The following SBNO1 variants were observed in gnomAD, a reference collection of about 807,000 sequenced individuals.
The protein encoded by SBNO1 is strawberry notch homolog 1.
Under a neutral mutation model 173.6 loss-of-function variants are expected in SBNO1, and 23 were observed. The ratio of observed to expected loss-of-function variants is 0.13; its 90% CI spans 0.10 to 0.19. The LOEUF is 0.19. Among genes scored for constraint, SBNO1 ranks in the 10% least tolerant of loss-of-function variants. The pLI, the probability that SBNO1 is intolerant of heterozygous loss-of-function variation, is 1.00. For missense variants in SBNO1, 1,238 were observed against 1,671.2 expected (o/e 0.74, Z 4.52); for synonymous variants, 632 against 571.5 (o/e 1.11, Z -1.51).
rs1333200508 is a variant in SBNO1 at position 123,323,671 on chromosome 12, A to G, written c.2125+9T>C. 6 of 1,583,712 alleles carry G rather than the reference A, an allele frequency of 3.8e-6. No individual in the cohort carries two copies. The highest frequency in any genetic ancestry group is 5.1e-6 in the Non-Finnish European group (6 of 1,168,988). On this transcript the variant is annotated intron_variant, in intron 16 of 31. Transcript: ENST00000602398. The stretch of plus-strand genomic sequence containing the variant: ...ACCTGGCCTATTTTTTCTTTTTTAA[A>G]GTGCTCACCTTTCCGCTTCTTTATT...
At chr12:123,343,423 ATGCAACACCT>A (rs1872769644) in intron 4 of SBNO1, among the ~76,000 whole-genome samples, 1 of 152,088 alleles carries the variant, frequency 6.6e-6, no homozygotes, top group African/African-American at 2.4e-5. Flanking sequence ...GAAGTAGAAC[ATGCAACACCT>A]TGCTTTCTGC....
chr12:123,317,334 G>A lies in SBNO1; in HGVS notation c.2822C>T (p.Ala941Val), dbSNP rs765901084. Residue 941 changes from alanine to valine, a missense_variant, in exon 21 of 32, where the codon GCT becomes GTT. Around this residue, in one of 14 missense-constraint regions of SBNO1, gnomAD observed 39 missense variants for 129.7 expected, o/e 0.30. Coordinates refer to ENST00000602398, the MANE Select transcript of SBNO1 (RefSeq NM_001167856.3). ...TTGTAATGAAATACCCGAGCTGGCA[G>A]CTTCTGAGATGATAGCAATATTCTG... is the stretch of plus-strand genomic sequence containing the variant. Reference protein sequence around the residue: ...GDKNIAIISEAASSGISLQAD... With the variant: ...GDKNIAIISEVASSGISLQAD... The A allele has an allele frequency of 6.2e-7, 1 of 1,613,924 alleles. No homozygotes were observed. Among genetic ancestry groups the A allele is most frequent in the Non-Finnish European group, 8.5e-7 (1 of 1,179,936 alleles).
Position 123,315,640 on chromosome 12 carries a change from G to T in SBNO1, c.2956C>A (p.Gln986Lys). Residue 986 changes from glutamine to lysine, a missense_variant, in exon 22 of 32, where the codon CAA (glutamine) becomes AAA (lysine). By Grantham distance (53) the Gln-to-Lys change is moderately conservative. This residue lies in a region of SBNO1 where 39 missense variants were observed against 129.7 expected (regional missense o/e 0.30). Transcript: ENST00000602398. The stretch of plus-strand genomic sequence containing the variant: ...AAGACATACTCAGGAGCAGTAACTT[G>T]GTTTGATCTATGAGTACGTCCTGCA... Reference protein sequence around the residue: ...QQFGRTHRSNQVTAPEYVFLI... With the variant: ...QQFGRTHRSNKVTAPEYVFLI... 1 of 1,612,886 alleles carries T rather than the reference G, an allele frequency of 6.2e-7. No homozygotes were observed. The highest frequency in any genetic ancestry group is 1.1e-5 in the South Asian group (1 of 91,028).
intron 29 of SBNO1, among the ~76,000 whole-genome samples, chr12:123,303,832 TA>T (rs1007505872): frequency 3.8e-4 from 56 of 147,380 alleles, no homozygotes; most frequent in Non-Finnish European, 5.5e-4. Context: ...AGACCTCATT[TA>T]AAAAAAAAGA....
chr12:123,363,670 T>C (rs1166506685), intron 1 of SBNO1, among the ~76,000 whole-genome samples: 1 of 152,114 alleles, frequency 6.6e-6, no homozygotes, highest in Non-Finnish European at 1.5e-5. Flanking sequence ...CGTTGCTTTA[T>C]TTGTCTCTCA....
chr12:123,342,525 C>T (rs1166196612), intron 4 of SBNO1, among the ~76,000 whole-genome samples: 1 of 152,170 alleles, frequency 6.6e-6, no homozygotes, highest in Admixed American at 6.5e-5. Context: ...TCTGGTGGTA[C>T]TTACTAATTT....
At chr12:123,353,962 C>T (rs1874156661) in intron 1 of SBNO1, among the ~76,000 whole-genome samples, 1 of 152,154 alleles carries the variant, frequency 6.6e-6, no homozygotes, top group Non-Finnish European at 1.5e-5. Context: ...AGTCCATGAG[C>T]TATACACCAA....
chr12:123,360,593 G>C (rs549342047), intron 1 of SBNO1, among the ~76,000 whole-genome samples: 2 of 151,810 alleles, frequency 1.3e-5, no homozygotes, highest in South Asian at 2.1e-4. Flanking sequence ...TATAGGTGCG[G>C]ATCACCACGC....
chr12:123,362,300 G>A (rs574815272), intron 1 of SBNO1, among the ~76,000 whole-genome samples: 1 of 151,824 alleles, frequency 6.6e-6, no homozygotes, highest in East Asian at 1.9e-4. Flanking sequence ...GCCGGGCGTG[G>A]CAGCGGGCAC....
chr12:123,289,508 A>C lies in SBNO1; in HGVS notation c.*6400T>G. ...AGAGCTGACATCCACCTTTGTTTCA[A>C]GTTGTCTTTGGATCCCATCAGATGT... is the stretch of plus-strand genomic sequence containing the variant. On this transcript the variant is annotated 3_prime_UTR_variant, in exon 32 of 32. Coordinates refer to ENST00000602398, the MANE Select transcript of SBNO1 (RefSeq NM_001167856.3). The C allele has an allele frequency of 6.6e-6, 1 of 152,236 alleles. No individual in the cohort carries two copies. Among genetic ancestry groups the C allele is most frequent in the East Asian group, 1.9e-4 (1 of 5,204 alleles). The allele number at this position is 152,236 out of a possible 1,614,324, so 9.4% of individuals were successfully genotyped here.
At chr12:123,347,931 T>C (rs1316147575) in intron 3 of SBNO1, 98 bp downstream of exon 3, 10 of 626,456 alleles carry the variant, frequency 1.6e-5, no homozygotes, top group Non-Finnish European at 2.5e-5. Context: ...CCTCTCAAAG[T>C]GCTGAGACTA....
In SBNO1 at chr12:123,291,500, G is replaced by A. The variant is rs1210041116; in HGVS notation, c.*4408C>T. ...AAACGAGCATCAGCAGTCATACAAT[G>A]ACAGTATCAGAAATGGCACTCAAGT... On this transcript the variant is annotated 3_prime_UTR_variant, in exon 32 of 32. Coordinates refer to ENST00000602398, the MANE Select transcript of SBNO1 (RefSeq NM_001167856.3). 5 of 152,096 alleles carry A rather than the reference G, an allele frequency of 3.3e-5. No homozygotes were observed. Among genetic ancestry groups the A allele is most frequent in the Non-Finnish European group, 7.3e-5 (5 of 68,030 alleles). 9.4% of individuals were successfully genotyped at this position (152,096 alleles called of 1,614,324 possible).
chr12:123,304,803 A>G, intron 28 of SBNO1, 84 bp from the exon 29 acceptor site: 1 of 958,282 alleles, frequency 1.0e-6, no homozygotes, highest in South Asian at 1.5e-5. Context: ...CAGCAAACAT[A>G]ATCATTTGAG....
intron 7 of SBNO1, among the ~76,000 whole-genome samples, chr12:123,333,568 C>T (rs1871487248): frequency 6.6e-6 from 1 of 151,892 alleles, no homozygotes; most frequent in Non-Finnish European, 1.5e-5. Context: ...AAGATCACAG[C>T]TTATTGCAGC....
intron 17 of SBNO1, 77 bp from the exon 18 acceptor site, chr12:123,320,943 A>G (rs971768528): frequency 8.1e-7 from 1 of 1,229,372 alleles, no homozygotes; most frequent in South Asian, 1.6e-5. Context: ...CAACCTTTGA[A>G]ATTTTATTTT....
At chr12:123,326,421 G>C in intron 13 of SBNO1, 87 bp from the exon 14 acceptor site, 2 of 739,136 alleles carry the variant, frequency 2.7e-6, no homozygotes, top group East Asian at 5.7e-5. Flanking sequence ...AATGTTAAGT[G>C]CAAGACCATT....
intron 4 of SBNO1, among the ~76,000 whole-genome samples, chr12:123,343,409 A>AT (rs1416352188): frequency 1.3e-5 from 2 of 152,160 alleles, no homozygotes; most frequent in Non-Finnish European, 2.9e-5. Flanking sequence ...AACCACACAG[A>AT]TAAGAAGTAG....
At chr12:123,359,187 C>T (rs1874828636) in intron 1 of SBNO1, among the ~76,000 whole-genome samples, 1 of 151,764 alleles carries the variant, frequency 6.6e-6, no homozygotes, top group Admixed American at 6.6e-5. Flanking sequence ...CCCGCCTCAG[C>T]CTCCCAAAGT....
At chr12:123,317,988 G>T (rs1869490296) in intron 20 of SBNO1, among the ~76,000 whole-genome samples, 1 of 152,072 alleles carries the variant, frequency 6.6e-6, no homozygotes, top group Non-Finnish European at 1.5e-5. Flanking sequence ...TTGAGACAGG[G>T]TCTCACTCTG....
Sources: allele counts gnomAD v4.1 joint callset (sites outside exome capture counted in the v4.1 genomes callset), GRCh38; gene constraint gnomAD v4.1.1; regional missense constraint gnomAD v4.1.1; transcripts MANE v1.5; gene names NCBI Gene and HGNC (gene_info 2026-07-23, HGNC 2026-07-21).